SYNJ2: variants seen among roughly 807,000 people sequenced by gnomAD.
SYNJ2 encodes synaptojanin 2, also known as polyphosphatidylinositol phosphatase SYNJ2.
SYNJ2 carries 116 observed loss-of-function variants against 141.3 expected under a neutral mutation model. The observed-to-expected ratio is 0.82, with a 90% CI of 0.71 to 0.96. The LOEUF (loss-of-function observed/expected upper bound fraction) is 0.96, where lower values mean the gene tolerates loss of function less well. Among genes scored for constraint, SYNJ2 ranks in the 40% least tolerant of loss-of-function variants. SYNJ2 has a pLI of 0.00. For missense variants in SYNJ2, 1,873 were observed against 1,934.8 expected, an observed-to-expected ratio of 0.97 and a Z score of 0.60; for synonymous variants, 745 against 777.7, an observed-to-expected ratio of 0.96 and a Z score of 0.70.
At chr6:158,091,457 T>TG (rs1047582199) in intron 25 of SYNJ2, among the ~76,000 whole-genome samples, 4 of 139,372 alleles carry the variant, frequency 2.9e-5, no homozygotes, top group African/African-American at 1.1e-4. Flanking sequence ...AAAAAAAGAA[T>TG]GGGGCTGGGT....
rs116241832 is a variant in SYNJ2 at position 158,085,502 on chromosome 6, C to T, written c.3208+1328C>T. Among the ~76,000 whole-genome samples, 473 of 152,260 alleles carry T rather than the reference C, an allele frequency of 3.1e-3. 4 individuals are homozygous for T. Among genetic ancestry groups the T allele is most frequent in the African/African-American group, 0.011 (458 of 41,544 alleles). On this transcript the variant is annotated intron_variant, in intron 22 of 26. Coordinates refer to ENST00000355585, the MANE Select transcript of SYNJ2 (RefSeq NM_003898.4). ...CTAACCAGCAGGTGCAGGAGCTTAG[C>T]CACGCATTGGGCCCATTGAGCTGGG...
intron 1 of SYNJ2, among the ~76,000 whole-genome samples, chr6:158,002,861 G>T (rs1777913245): frequency 6.6e-6 from 1 of 152,206 alleles, no homozygotes; most frequent in Admixed American, 6.5e-5. Context: ...AGGCATATGT[G>T]GCACTGGGCC....
chr6:158,015,849 A>G (rs1778433203), intron 1 of SYNJ2, among the ~76,000 whole-genome samples: 2 of 152,206 alleles, frequency 1.3e-5, no homozygotes, highest in African/African-American at 2.4e-5. Context: ...TGATTTTTAT[A>G]ACAGCTTTAT....
At chr6:158,014,175 G>A (rs752100341) in intron 1 of SYNJ2, among the ~76,000 whole-genome samples, 2 of 152,036 alleles carry the variant, frequency 1.3e-5, no homozygotes, top group Non-Finnish European at 2.9e-5. Flanking sequence ...TCATGATTTC[G>A]CCCAGCTGTA....
chr6:158,015,366 T>G (rs576197774), intron 1 of SYNJ2, among the ~76,000 whole-genome samples: 2 of 152,198 alleles, frequency 1.3e-5, no homozygotes, highest in African/African-American at 4.8e-5. Context: ...ACCTCCATGA[T>G]GATGTAGAAA....
At position 158,041,492 on chromosome 6, in the gene SYNJ2, G is replaced by A. The variant is rs544664067; in HGVS notation, c.712-1824G>A. The stretch of plus-strand genomic sequence containing the variant: ...GTCACCTACTTCCCCTGTGGAGGAC[G>A]GGGTGGAGAACTTTGGAGCTCCTTT... On this transcript the variant is annotated intron_variant, in intron 4 of 26. Transcript: ENST00000355585. Among the ~76,000 whole-genome samples the A allele has an allele frequency of 2.2e-4, 34 of 152,336 alleles. 1 individual carries two copies. The South Asian group carries it at 7.0e-3, about 32-fold the overall frequency.
intron 6 of SYNJ2, among the ~76,000 whole-genome samples, chr6:158,056,340 T>G (rs911037352): frequency 1.4e-4 from 21 of 152,148 alleles, no homozygotes; most frequent in African/African-American, 5.1e-4. Context: ...CCTTGCCCCT[T>G]GGAAAGCATT....
In SYNJ2 at chr6:158,070,281, C is replaced by A; in HGVS notation, c.1940+608C>A. ...GGCTTTTGAATTTCCACCAGCCTTT[C>A]GGCGAGCTGGCAGCAGGCGTTGAAC... On this transcript the variant is annotated intron_variant, in intron 14 of 26. Transcript: ENST00000355585. This position sits in a 1 kb window ranked among gnomAD's most constrained non-coding sequence, Gnocchi z 4.0. 2.0e-6 allele frequency: 2 copies of A among 985,484 alleles called. No homozygotes were observed. Among genetic ancestry groups the A allele is most frequent in the Non-Finnish European group, 2.4e-6 (2 of 830,028 alleles). 61.0% of individuals were successfully genotyped at this position (985,484 alleles called of 1,614,324 possible).
Position 157,982,099 on chromosome 6 carries a change from G to A in SYNJ2, c.127+11G>A. On this transcript the variant is annotated intron_variant, in intron 1 of 26. Coordinates refer to ENST00000355585, the MANE Select transcript of SYNJ2 (RefSeq NM_003898.4). The surrounding 1 kb of genome is among the most constrained non-coding windows in gnomAD (Gnocchi z 4.0). ...CGGTGGCCACGCTGGGTGAGTCCGG[G>A]CCGGGGGCAGCGACGCCCGGAGGAG... The A allele has an allele frequency of 7.6e-7, 1 of 1,316,386 alleles. No individual in the cohort carries two copies. Among genetic ancestry groups the A allele is most frequent in the South Asian group, 2.0e-5 (1 of 49,870 alleles). 81.5% of individuals were successfully genotyped at this position (1,316,386 alleles called of 1,614,324 possible).
rs1367764121 is a variant in SYNJ2 at position 158,062,114 on chromosome 6, G to T, written c.1077G>T (p.Leu359=). ...CCCTCTTGAGGCCACAGTTAAAGCT[G>T]CACTGGGAAGACTTCGATGTGTTCA... is the stretch of plus-strand genomic sequence containing the variant. The part of the protein sequence containing the change: ...LETLLRPQLK[L]HWEDFDVFTK... The change falls in exon 8 of 27, where the codon CTG becomes CTT. Residue 359 remains leucine, a synonymous_variant. Coordinates refer to ENST00000355585, the MANE Select transcript of SYNJ2 (RefSeq NM_003898.4). The T allele has an allele frequency of 2.5e-6, 4 of 1,614,026 alleles. No homozygotes were observed. The East Asian group carries it at 8.9e-5, about 36-fold the overall frequency.
intron 5 of SYNJ2, among the ~76,000 whole-genome samples, chr6:158,050,897 C>T (rs965056022): frequency 5.3e-5 from 8 of 151,932 alleles, no homozygotes; most frequent in Admixed American, 5.3e-4. Flanking sequence ...GGGGATTCAG[C>T]GTCTCCCATC....
Position 158,064,744 on chromosome 6 carries a change from G to T in SYNJ2, c.1353G>T (p.Lys451Asn). 6.2e-7 allele frequency: 1 copy of T among 1,613,760 alleles called. No homozygotes were observed. Among genetic ancestry groups the T allele is most frequent in the Non-Finnish European group, 8.5e-7 (1 of 1,179,978 alleles). ...VFTGSRALEG[K>N]AKVGKLKDGA... ...CAGGCAGCAGAGCCCTGGAAGGGAA[G>T]GCCAAGGTAGGGCCCCGCCGAGGGG... The change falls in exon 10 of 27, where the codon AAG becomes AAT. Residue 451 changes from lysine to asparagine, a missense_variant. Coordinates refer to ENST00000355585, the MANE Select transcript of SYNJ2 (RefSeq NM_003898.4).
At chr6:157,983,448 C>T (rs1417281756) in intron 1 of SYNJ2, among the ~76,000 whole-genome samples, 19 of 152,214 alleles carry the variant, frequency 1.2e-4, no homozygotes, top group Admixed American at 1.2e-3. Context: ...CTACTTCATA[C>T]CACATTTATC....
chr6:157,999,015 A>G (rs1188678470), intron 1 of SYNJ2, among the ~76,000 whole-genome samples: 1 of 152,248 alleles, frequency 6.6e-6, no homozygotes, highest in Non-Finnish European at 1.5e-5. Flanking sequence ...GCCCAGAAGG[A>G]AAGTTTGTGC....
intron 1 of SYNJ2, among the ~76,000 whole-genome samples, chr6:158,006,741 C>T (rs556560480): frequency 5.3e-5 from 8 of 152,166 alleles, no homozygotes; most frequent in South Asian, 4.1e-4. Context: ...GGTGCGATCT[C>T]GGCTCACTGC....
At chr6:157,992,035 G>A (rs1318660131) in intron 1 of SYNJ2, among the ~76,000 whole-genome samples, 1 of 152,138 alleles carries the variant, frequency 6.6e-6, no homozygotes. Context: ...TGGGATACAT[G>A]AGATATTTTG....
intron 4 of SYNJ2, among the ~76,000 whole-genome samples, chr6:158,038,427 A>G (rs1234651255): frequency 6.6e-6 from 1 of 152,174 alleles, no homozygotes; most frequent in African/African-American, 2.4e-5. Flanking sequence ...ACCCATGGTG[A>G]CTTCGTTAAC....
chr6:158,026,806 G>T (rs1422431382), intron 2 of SYNJ2: 1 of 984,844 alleles, frequency 1.0e-6, no homozygotes, highest in East Asian at 1.1e-4. Context: ...GCTGAACTGT[G>T]CTTTTCCCTG....
chr6:158,002,467 C>T (rs926007739), intron 1 of SYNJ2: 1 of 152,244 alleles, frequency 6.6e-6, no homozygotes, highest in African/African-American at 2.4e-5. Context: ...TGGGGAGGAA[C>T]TGAGGAACTG....
Sources: gnomAD v4.1 joint callset for allele counts (sites outside exome capture counted in the v4.1 genomes callset) on GRCh38, gnomAD v4.1.1 for gene constraint, Gnocchi (gnomAD v3.1) non-coding constraint, MANE v1.5 for transcripts, NCBI Gene and HGNC (gene_info 2026-07-23, HGNC 2026-07-21) for gene names.